Variants in RAF1 observed in about 807,000 individuals in gnomAD.
The protein encoded by RAF1 is Raf-1 proto-oncogene, serine/threonine kinase, also known as RAF proto-oncogene serine/threonine-protein kinase.
A neutral mutation model predicts 81.1 loss-of-function variants in RAF1; 27 were observed. The observed-to-expected ratio is 0.33, with a 90% CI of 0.25 to 0.46. The LOEUF is 0.46. Among genes scored for constraint, RAF1 ranks in the 20% least tolerant of loss-of-function variants. The pLI, the probability that RAF1 is intolerant of heterozygous loss-of-function variation, is 1.00. For synonymous variants in RAF1, 298 were observed against 294.0 expected (o/e 1.01, Z -0.14); for missense variants, 598 against 826.0 (o/e 0.72, Z 3.38).
chr3:12,600,482 AGAG>A (rs752011260), intron 8 of RAF1, 67 bp from the exon 8 acceptor site: 16 of 1,553,368 alleles, frequency 1.0e-5, no homozygotes, highest in Non-Finnish European at 1.4e-5. Flanking sequence ...GAGGGAAAAA[AGAG>A]GAGGAGGATG....
At chr3:12,657,913 G>A (rs142326766) in intron 1 of RAF1, among the ~76,000 whole-genome samples, 1 of 151,046 alleles carries the variant, frequency 6.6e-6, no homozygotes, top group African/African-American at 2.4e-5. Flanking sequence ...CACAGTCACT[G>A]ACCATTCCCT....
At chr3:12,606,944 GC>G (rs2059053003) in intron 5 of RAF1, among the ~76,000 whole-genome samples, 1 of 152,126 alleles carries the variant, frequency 6.6e-6, no homozygotes, top group African/African-American at 2.4e-5. Context: ...ACCTGCCTTG[GC>G]CTCCCAAAGT....
rs1013580378 is a variant in RAF1 at position 12,583,896 on chromosome 3, G to A, written c.*618C>T. 2.6e-5 allele frequency: 6 copies of A among 234,986 alleles called. No individual in the cohort carries two copies. The highest frequency in any genetic ancestry group is 3.4e-5 in the Non-Finnish European group (4 of 118,972). The allele number at this position is 234,986 out of a possible 1,614,324, so 14.6% of individuals were successfully genotyped here. A position where few individuals can be genotyped will look rare whatever the true frequency, so the allele number is the denominator to read the frequency against. ...GAGAGGGCTGAGATGCGGATTGGCCGAGTGCCTTGCCTGGAAAACCATCCC... is the reference window on the plus strand; with the variant it reads ...GAGAGGGCTGAGATGCGGATTGGCCAAGTGCCTTGCCTGGAAAACCATCCC... On this transcript the variant is annotated 3_prime_UTR_variant, in exon 18 of 18. Transcript: ENST00000442415.
At chr3:12,648,847 G>T (rs1334034877) in intron 1 of RAF1, among the ~76,000 whole-genome samples, 1 of 152,224 alleles carries the variant, frequency 6.6e-6, no homozygotes, top group Non-Finnish European at 1.5e-5. Flanking sequence ...GGATGCGGTG[G>T]CTCACGCCTG....
intron 11 of RAF1, 113 bp from the exon 11 acceptor site, chr3:12,591,905 A>G (rs1409167455): frequency 2.4e-6 from 2 of 830,652 alleles, no homozygotes; most frequent in Non-Finnish European, 4.1e-6. Flanking sequence ...ACATACCTAC[A>G]CAGATACGGC....
chr3:12,643,745 A>T (rs918069476), intron 1 of RAF1, among the ~76,000 whole-genome samples: 3 of 151,344 alleles, frequency 2.0e-5, no homozygotes, highest in Non-Finnish European at 4.4e-5. Context: ...TCAAAAAAAA[A>T]AAAATAAAAA....
intron 1 of RAF1, among the ~76,000 whole-genome samples, chr3:12,623,776 C>T (rs1180842837): frequency 2.8e-4 from 36 of 129,866 alleles, no homozygotes; most frequent in African/African-American, 1.0e-3. Flanking sequence ...CCAGCCTGGG[C>T]GACAGAGCGA....
intron 1 of RAF1, among the ~76,000 whole-genome samples, chr3:12,660,693 T>C (rs953612406): frequency 6.6e-6 from 1 of 152,118 alleles, no homozygotes; most frequent in Non-Finnish European, 1.5e-5. Context: ...ACACCACATA[T>C]CAGCCAGGCA....
chr3:12,637,468 T>C (rs142687387), intron 1 of RAF1, among the ~76,000 whole-genome samples: 1 of 151,312 alleles, frequency 6.6e-6, no homozygotes, highest in Non-Finnish European at 1.5e-5. Context: ...TTTCGACACG[T>C]TGACCAGGCT....
chr3:12,584,569 G>T lies in RAF1; in HGVS notation c.1952C>A (p.Thr651Asn). The T allele has an allele frequency of 6.2e-7, 1 of 1,614,180 alleles. No homozygotes were observed. The highest frequency in any genetic ancestry group is 8.5e-7 in the Non-Finnish European group (1 of 1,180,038). ...CAGCGTGCAAGCATTGATATCCTCA[G>T]TGTGGGCTGCCCGATGCAAGGATGG... Residue 651 changes from threonine to asparagine, a missense_variant, in exon 18 of 18, where the codon ACT (threonine) becomes AAT (asparagine). Transcript: ENST00000442415.
At position 12,604,203 on chromosome 3, in the gene RAF1, C is replaced by T. The variant is rs1273749159; in HGVS notation, c.767G>A (p.Arg256Lys). 2 of 1,614,152 alleles carry T rather than the reference C, an allele frequency of 1.2e-6. No individual in the cohort carries two copies. Among genetic ancestry groups the T allele is most frequent in the African/African-American group, 2.7e-5 (2 of 75,036 alleles). Reference sequence around the variant, plus strand: ...GTGGACATTAGGTGTGGATGTCGACCTCTGCCTCTGGGAGAGGGAACCTTC... The same window carrying T: ...GTGGACATTAGGTGTGGATGTCGACTTCTGCCTCTGGGAGAGGGAACCTTC... The change falls in exon 7 of 18, where the codon AGG becomes AAG. Residue 256 changes from arginine to lysine, a missense_variant. By Grantham distance (26) the Arg-to-Lys change is conservative. Coordinates refer to ENST00000442415, the MANE Select transcript of RAF1 (RefSeq NM_001354689.3).
chr3:12,626,742 C>T (rs2059714444), intron 1 of RAF1, among the ~76,000 whole-genome samples: 2 of 151,656 alleles, frequency 1.3e-5, no homozygotes, highest in Non-Finnish European at 2.9e-5. Flanking sequence ...AAGATAACTT[C>T]GCCAGGCGGG....
intron 1 of RAF1, among the ~76,000 whole-genome samples, chr3:12,655,208 A>C (rs1048121786): frequency 6.6e-6 from 1 of 152,120 alleles, no homozygotes; most frequent in African/African-American, 2.4e-5. Flanking sequence ...TCAACCTCCC[A>C]AGTAGCTGGG....
Position 12,600,233 on chromosome 3 carries a change from T to G in RAF1, c.969A>C (p.Thr323=), listed in dbSNP as rs5746219. 5.4e-4 allele frequency: 865 copies of G among 1,614,102 alleles called. No homozygotes were observed. Among genetic ancestry groups the G allele is most frequent in the Non-Finnish European group, 6.6e-4 (777 of 1,180,052 alleles). Reference sequence around the variant, plus strand: ...CGGGGGTTTTCGGCTGTGACCAGCCTGTTGGGCTCAGATTGTTGGGGCTAC... The same window carrying G: ...CGGGGGTTTTCGGCTGTGACCAGCCGGTTGGGCTCAGATTGTTGGGGCTAC... The change falls in exon 10 of 18, where the codon ACA becomes ACC. Residue 323 remains threonine, a synonymous_variant. Coordinates refer to ENST00000442415, the MANE Select transcript of RAF1 (RefSeq NM_001354689.3).
intron 1 of RAF1, among the ~76,000 whole-genome samples, chr3:12,623,420 C>G (rs1441259813): frequency 6.6e-6 from 1 of 152,192 alleles, no homozygotes; most frequent in African/African-American, 2.4e-5. Context: ...AATACACCTA[C>G]TTTATTTAAT....
chr3:12,652,201 G>C (rs1026491307), intron 1 of RAF1, among the ~76,000 whole-genome samples: 4 of 151,198 alleles, frequency 2.6e-5, no homozygotes, highest in African/African-American at 9.7e-5. Flanking sequence ...GGGAGACAGA[G>C]CAAGACTCCA....
chr3:12,660,845 G>T (rs545443657), intron 1 of RAF1, among the ~76,000 whole-genome samples: 1 of 152,202 alleles, frequency 6.6e-6, no homozygotes, highest in East Asian at 1.9e-4. Flanking sequence ...CGTGGTGGCA[G>T]GCGCCTGTAG....
intron 2 of RAF1, among the ~76,000 whole-genome samples, chr3:12,612,614 A>C: frequency 6.7e-6 from 1 of 148,274 alleles, no homozygotes; most frequent in Non-Finnish European, 1.5e-5. Flanking sequence ...GCACCATTGC[A>C]CTCCAGCCTG....
At chr3:12,638,479 C>T (rs556345777) in intron 1 of RAF1, among the ~76,000 whole-genome samples, 1 of 152,264 alleles carries the variant, frequency 6.6e-6, no homozygotes, top group South Asian at 2.1e-4. Context: ...TCAAACAAGT[C>T]CCAAACAGAC....
Sources: gnomAD v4.1 joint callset for allele counts (sites outside exome capture counted in the v4.1 genomes callset) on GRCh38, gnomAD v4.1.1 for gene constraint, MANE v1.5 for transcripts, NCBI Gene and HGNC (gene_info 2026-07-23, HGNC 2026-07-21) for gene names.